Variants in NPLOC4 observed in about 807,000 individuals in gnomAD.
NPLOC4 encodes the protein NPL4 homolog, ubiquitin recognition factor.
A neutral mutation model predicts 80.6 loss-of-function variants in NPLOC4; 18 were observed. The observed-to-expected ratio is 0.22, with a 90% CI of 0.15 to 0.33. The LOEUF (loss-of-function observed/expected upper bound fraction) is 0.33. Ranked by LOEUF, NPLOC4 falls within the 10% of genes least tolerant of loss-of-function variation. The probability of loss-of-function intolerance (pLI) is 1.00; values close to 1 mark genes in which losing one functional copy is unlikely to be tolerated. For synonymous variants in NPLOC4, 313 were observed against 301.5 expected, an observed-to-expected ratio of 1.04 and a Z score of -0.39; for missense variants, 540 against 786.1, an observed-to-expected ratio of 0.69 and a Z score of 3.74.
At chr17:81,616,478 C>T (rs1020465192) in intron 3 of NPLOC4, among the ~76,000 whole-genome samples, 3 of 151,954 alleles carry the variant, frequency 2.0e-5, no homozygotes, top group African/African-American at 7.3e-5. Context: ...CACCTGTAAT[C>T]CCAGCACGTT....
intron 7 of NPLOC4, among the ~76,000 whole-genome samples, chr17:81,605,546 G>A (rs1035437296): frequency 6.6e-6 from 1 of 151,724 alleles, no homozygotes; most frequent in African/African-American, 2.4e-5. Flanking sequence ...TACTCCGGAG[G>A]CTGAGGCAAT....
At chr17:81,559,551 C>T in intron 16 of NPLOC4, 135 bp from the exon 17 acceptor site, 1 of 928,242 alleles carries the variant, frequency 1.1e-6, no homozygotes, top group Admixed American at 2.9e-5. Flanking sequence ...GTCCTGCCCA[C>T]ACAGCACTCC....
chr17:81,575,221 TC>T (rs1460334243), intron 12 of NPLOC4, among the ~76,000 whole-genome samples: 3 of 152,118 alleles, frequency 2.0e-5, no homozygotes, highest in African/African-American at 7.2e-5. Flanking sequence ...TGCCTCAGCC[TC>T]CCGAGTAGCT....
chr17:81,604,556 G>A lies in NPLOC4; in HGVS notation c.826C>T (p.Pro276Ser). The A allele has an allele frequency of 6.2e-7, 1 of 1,611,904 alleles. No homozygotes were observed. Residue 276 changes from proline to serine, a missense_variant, in exon 8 of 17, where the codon CCA (proline) becomes TCA (serine). By Grantham distance (74) the Pro-to-Ser change is moderately conservative (BLOSUM62 -1). Coordinates refer to ENST00000331134, the MANE Select transcript of NPLOC4 (RefSeq NM_017921.4). ...IRAEVAAIYE[P>S]PQIGTQNSLE... ...AATCCCGTCATGTTTACCTGAGGTG[G>A]CTCATAAATCGCAGCCACTTCAGCC...
At position 81,559,141 on chromosome 17, in the gene NPLOC4, C is replaced by G; in HGVS notation, c.*118G>C. Reference sequence around the variant, plus strand: ...GGTCAGGGAGCCCAGGACAGCCAGCCCCTTGTTCCTCCAGGGCTGCCCACT... The same window carrying G: ...GGTCAGGGAGCCCAGGACAGCCAGCGCCTTGTTCCTCCAGGGCTGCCCACT... On this transcript the variant is annotated 3_prime_UTR_variant, in exon 17 of 17. Coordinates refer to ENST00000331134, the MANE Select transcript of NPLOC4 (RefSeq NM_017921.4). The G allele has an allele frequency of 1.7e-6, 2 of 1,193,442 alleles. No individual in the cohort carries two copies. Among genetic ancestry groups the G allele is most frequent in the Non-Finnish European group, 2.3e-6 (2 of 876,258 alleles). The allele number at this position is 1,193,442 out of a possible 1,614,324, so 73.9% of individuals were successfully genotyped here.
chr17:81,629,879 T>C (rs956879390), intron 1 of NPLOC4, 74 bp from the exon 2 acceptor site: 2 of 1,131,666 alleles, frequency 1.8e-6, no homozygotes, highest in Admixed American at 1.8e-5. Flanking sequence ...CTTCCATCTG[T>C]GGTCTTTTAG....
chr17:81,604,691 G>T lies in NPLOC4; in HGVS notation c.691C>A (p.His231Asn). 6.2e-7 allele frequency: 1 copy of T among 1,613,670 alleles called. No homozygotes were observed. The highest frequency in any genetic ancestry group is 1.7e-5 in the Admixed American group (1 of 59,970). Reference protein sequence around the residue: ...RHVDNIMFENHTVADRFLDFW... With the variant: ...RHVDNIMFENNTVADRFLDFW... ...TCAAGAAAGCGGTCAGCGACGGTGT[G>T]ATTCTCAAACATGATATTGTCCACA... Residue 231 changes from histidine to asparagine, a missense_variant, in exon 8 of 17, where the codon CAC (histidine) becomes AAC (asparagine). Transcript: ENST00000331134.
chr17:81,593,687 G>A (rs1452820167), intron 11 of NPLOC4, among the ~76,000 whole-genome samples: 1 of 151,700 alleles, frequency 6.6e-6, no homozygotes, highest in African/African-American at 2.4e-5. Context: ...GTGGGGATGT[G>A]ACACCGAGAA....
rs771943262 is a variant in NPLOC4, at chr17:81,604,704, G to A, written c.678C>T (p.Ile226=). The change falls in exon 8 of 17, where the codon ATC becomes ATT. Residue 226 remains isoleucine (I), a synonymous_variant. Coordinates refer to ENST00000331134, the MANE Select transcript of NPLOC4 (RefSeq NM_017921.4). The stretch of plus-strand genomic sequence containing the variant: ...CAGCGACGGTGTGATTCTCAAACAT[G>A]ATATTGTCCACATGCCTGTACTTCT... ...NRQKYRHVDN[I]MFENHTVADR... 1.9e-6 allele frequency: 3 copies of A among 1,613,390 alleles called. No individual in the cohort carries two copies. The highest frequency in any genetic ancestry group is 2.2e-5 in the East Asian group (1 of 44,886).
rs1336261877 is a variant in NPLOC4 at position 81,613,407 on chromosome 17, G to T, written c.297C>A (p.Val99=). ...METSVPPGFK[V]FGAPNVVEDE... ...CCTCCACCACGTTGGGAGCGCCAAA[G>T]ACTTTGAAGCCCGGTGGAACTGACG... is the stretch of plus-strand genomic sequence containing the variant. Residue 99 remains valine (V), a synonymous_variant, in exon 4 of 17, where the codon GTC becomes GTA. Transcript: ENST00000331134. 1 of 1,613,942 alleles carries T rather than the reference G, an allele frequency of 6.2e-7. No individual in the cohort carries two copies.
At chr17:81,605,289 AAAAT>A (rs1385794093) in intron 7 of NPLOC4, among the ~76,000 whole-genome samples, 6 of 123,270 alleles carry the variant, frequency 4.9e-5, no homozygotes, top group Non-Finnish European at 5.7e-5. Flanking sequence ...TCAAAAAAAA[AAAAT>A]AAATAATAAT....
At chr17:81,605,585 T>C (rs1163416076) in intron 7 of NPLOC4, among the ~76,000 whole-genome samples, 1 of 150,854 alleles carries the variant, frequency 6.6e-6, no homozygotes, top group Non-Finnish European at 1.5e-5. Flanking sequence ...GAGGCTGAGG[T>C]TGCAGTGAGC....
At chr17:81,579,351 C>T (rs1046779585) in intron 12 of NPLOC4, among the ~76,000 whole-genome samples, 8 of 152,212 alleles carry the variant, frequency 5.3e-5, no homozygotes, top group African/African-American at 1.9e-4. Context: ...GCACATCACC[C>T]TAGGTGACAG....
intron 11 of NPLOC4, among the ~76,000 whole-genome samples, chr17:81,593,360 C>T (rs941850001): frequency 2.6e-5 from 4 of 152,022 alleles, no homozygotes; most frequent in Non-Finnish European, 5.9e-5. Context: ...CAGCCCTTGC[C>T]CACACAGGCC....
intron 2 of NPLOC4, among the ~76,000 whole-genome samples, chr17:81,625,825 C>G (rs890039719): frequency 6.6e-6 from 1 of 151,890 alleles, no homozygotes; most frequent in Non-Finnish European, 1.5e-5. Flanking sequence ...CCTTAGGAAC[C>G]CATGGTACAG....
Position 81,589,052 on chromosome 17 carries a change from A to G in NPLOC4, c.1173T>C (p.Cys391=), listed in dbSNP as rs761079402. The G allele has an allele frequency of 3.1e-6, 5 of 1,613,964 alleles. No individual in the cohort carries two copies. In the South Asian group the frequency reaches 3.3e-5, roughly 11 times the overall value. ...HFEGYQVSNQ[C]MALVRDECLL... ...AACACTCATCACGGACCAGTGCCAT[A>G]CACTGATTGGACACCTGGTACCCTT... The change falls in exon 12 of 17, where the codon TGT becomes TGC. Residue 391 remains cysteine, a synonymous_variant. Transcript: ENST00000331134.
intron 3 of NPLOC4, among the ~76,000 whole-genome samples, chr17:81,621,579 G>A (rs897131629): frequency 5.9e-5 from 9 of 152,216 alleles, no homozygotes; most frequent in African/African-American, 2.2e-4. Flanking sequence ...GTTCCGTAAA[G>A]GACCAGTCAA....
intron 9 of NPLOC4, among the ~76,000 whole-genome samples, chr17:81,597,900 C>A (rs1344200229): frequency 3.3e-5 from 5 of 151,604 alleles, no homozygotes; most frequent in Non-Finnish European, 7.4e-5. Flanking sequence ...CAAGACCATC[C>A]TGGCTAACAT....
intron 2 of NPLOC4, among the ~76,000 whole-genome samples, chr17:81,627,350 C>T (rs1046928340): frequency 6.6e-6 from 1 of 151,022 alleles, no homozygotes; most frequent in African/African-American, 2.4e-5. Context: ...CGAGATCGCG[C>T]CACTGCATTC....
Sources: gnomAD v4.1 joint callset for allele counts (sites outside exome capture counted in the v4.1 genomes callset) on GRCh38, gnomAD v4.1.1 for gene constraint, MANE v1.5 for transcripts, NCBI Gene and HGNC (gene_info 2026-07-23, HGNC 2026-07-21) for gene names.